CA14: variants seen among roughly 807,000 people sequenced by gnomAD.
The protein encoded by CA14 is carbonic anhydrase 14, also known as CA-XIV.
CA14 carries 44 observed loss-of-function variants against 48.8 expected under a neutral mutation model. The observed-to-expected ratio is 0.90, with a 90% confidence interval of 0.71 to 1.16. The LOEUF is 1.16. CA14 is among the 50% of genes most tolerant of loss of function. The probability of loss-of-function intolerance (pLI) is 0.00; values close to 1 mark genes in which losing one functional copy is unlikely to be tolerated. For synonymous variants in CA14, 154 were observed against 155.0 expected (o/e 0.99, Z 0.05); for missense variants, 386 against 401.0 (o/e 0.96, Z 0.32).
chr1:150,260,379 A>C, intron 2 of CA14: 1 of 675,592 alleles, frequency 1.5e-6, no homozygotes, highest in Non-Finnish European at 2.7e-6. Flanking sequence ...GATTTGGCAG[A>C]AAAGCTAGTT....
Position 150,264,600 on chromosome 1 carries a change from A to G in CA14, c.955A>G (p.Arg319Gly). ...AGCCATTCCCCTTTCCAGGAAGAAG[A>G]GGCTGGAAAACCGAAAGAGTGTGGT... ...YFIARKIRKK[R>G]LENRKSVVFT... The change falls in exon 11 of 11, where the codon AGG becomes GGG. Residue 319 changes from arginine (R) to glycine (G), a missense_variant. Coordinates refer to ENST00000369111, the MANE Select transcript of CA14 (RefSeq NM_012113.3). 1.2e-6 allele frequency: 2 copies of G among 1,603,844 alleles called. No homozygotes were observed. The highest frequency in any genetic ancestry group is 1.7e-6 in the Non-Finnish European group (2 of 1,170,854).
At position 150,259,963 on chromosome 1, in the gene CA14, T is replaced by C. The variant is rs587741253; in HGVS notation, c.56-188T>C. 3.9e-5 allele frequency among the ~76,000 whole-genome samples: 6 copies of C among 152,312 alleles called. No individual in the cohort carries two copies. The East Asian group carries it at 1.2e-3, about 29-fold the overall frequency. On this transcript the variant is annotated intron_variant, in intron 1 of 10. Coordinates refer to ENST00000369111, the MANE Select transcript of CA14 (RefSeq NM_012113.3). ...ACACAGCCTGGCTGGTGATTTTAAATAGGCCCCCCGACCTTTCCACAGAGG... is the reference window on the plus strand; with the variant it reads ...ACACAGCCTGGCTGGTGATTTTAAACAGGCCCCCCGACCTTTCCACAGAGG...
Position 150,264,607 on chromosome 1 carries a change from A to C in CA14, c.962A>C (p.Glu321Ala). The C allele has an allele frequency of 1.2e-6, 2 of 1,610,950 alleles. No individual in the cohort carries two copies. Among genetic ancestry groups the C allele is most frequent in the East Asian group, 4.5e-5 (2 of 44,858 alleles). ...CCCCTTTCCAGGAAGAAGAGGCTGG[A>C]AAACCGAAAGAGTGTGGTCTTCACC... ...IARKIRKKRL[E>A]NRKSVVFTSA... The change falls in exon 11 of 11, where the codon GAA becomes GCA. Residue 321 changes from glutamate to alanine, a missense_variant. Coordinates refer to ENST00000369111, the MANE Select transcript of CA14 (RefSeq NM_012113.3).
Position 150,264,861 on chromosome 1 carries a change from G to T in CA14, c.*202G>T. On this transcript the variant is annotated 3_prime_UTR_variant, in exon 11 of 11. Coordinates refer to ENST00000369111, the MANE Select transcript of CA14 (RefSeq NM_012113.3). ...CAGAGCCTTCAGCCTCTCCAAACAT[G>T]TAGGAGGAAATGAGGAAATCGCTGT... 4.4e-6 allele frequency: 2 copies of T among 455,032 alleles called. No homozygotes were observed. Among genetic ancestry groups the T allele is most frequent in the Non-Finnish European group, 7.9e-6 (2 of 253,396 alleles). 28.2% of individuals were successfully genotyped at this position (455,032 alleles called of 1,614,324 possible). A position where few individuals can be genotyped will look rare whatever the true frequency, so the allele number is the denominator to read the frequency against.
rs782753065 is a variant in CA14 at position 150,261,500 on chromosome 1, T to G, written c.118T>G (p.Cys40Gly). ...CCATTGGCCAGCCTCTTACCCTGAG[T>G]GTGGAAACAATGCCCAGTCGCCCAT... The part of the protein sequence containing the change: ...QDHWPASYPE[C>G]GNNAQSPIDI... The change falls in exon 3 of 11, where the codon TGT (cysteine) becomes GGT (glycine). Residue 40 changes from cysteine to glycine, a missense_variant. Coordinates refer to ENST00000369111, the MANE Select transcript of CA14 (RefSeq NM_012113.3). The G allele has an allele frequency of 6.2e-7, 1 of 1,614,064 alleles. No homozygotes were observed. The highest frequency in any genetic ancestry group is 2.2e-5 in the East Asian group (1 of 44,878).
Position 150,264,613 on chromosome 1 carries a change from G to C in CA14, c.968G>C (p.Arg323Pro), listed in dbSNP as rs781853765. 39 of 1,611,834 alleles carry C rather than the reference G, an allele frequency of 2.4e-5. No homozygotes were observed. The highest frequency in any genetic ancestry group is 3.1e-5 in the Non-Finnish European group (37 of 1,178,220). Residue 323 changes from arginine (R) to proline (P), a missense_variant, in exon 11 of 11, where the codon CGA becomes CCA. By Grantham distance (103) the Arg-to-Pro change is moderately radical. Coordinates refer to ENST00000369111, the MANE Select transcript of CA14 (RefSeq NM_012113.3). ...RKIRKKRLEN[R>P]KSVVFTSAQA... Reference sequence around the variant, plus strand: ...TCCAGGAAGAAGAGGCTGGAAAACCGAAAGAGTGTGGTCTTCACCTCAGCA... The same window carrying C: ...TCCAGGAAGAAGAGGCTGGAAAACCCAAAGAGTGTGGTCTTCACCTCAGCA...
At chr1:150,264,246 G>A (rs1368877211) in intron 10 of CA14, among the ~76,000 whole-genome samples, 2 of 149,096 alleles carry the variant, frequency 1.3e-5, no homozygotes, top group Non-Finnish European at 3.0e-5. Context: ...CACTGTTGTC[G>A]AGGCTGGAGT....
At position 150,261,532 on chromosome 1, in the gene CA14, TCAGA is replaced by T. The variant is rs782654435; in HGVS notation, c.158_161del (p.Asp53ValfsTer2). The stretch of plus-strand genomic sequence containing the variant: ...ACAATGCCCAGTCGCCCATCGATAT[TCAGA>T]CAGACAGTGTGACATTTGACCCTGA... On this transcript the variant is annotated frameshift_variant, in exon 3 of 11. Transcript: ENST00000369111. LOFTEE classifies it high-confidence loss of function. 1.1e-5 allele frequency: 18 copies of T among 1,614,154 alleles called. No homozygotes were observed. The highest frequency in any genetic ancestry group is 6.7e-5 in the East Asian group (3 of 44,884).
At position 150,257,932 on chromosome 1, in the gene CA14, TG is replaced by T. The variant is rs1187716712; in HGVS notation, c.-196del. Reference sequence around the variant, plus strand: ...TTTGTCCTGGGGATCCAGAAACCCATGATACCCTACTGAACACCGAATCCCC... The same window carrying T: ...TTTGTCCTGGGGATCCAGAAACCCATATACCCTACTGAACACCGAATCCCC... On this transcript the variant is annotated 5_prime_UTR_variant, in exon 1 of 11. It removes an upstream start codon present in the reference 5' UTR. Transcript: ENST00000369111. 19 of 410,798 alleles carry T rather than the reference TG, an allele frequency of 4.6e-5. No individual in the cohort carries two copies. The highest frequency in any genetic ancestry group is 3.5e-4 in the African/African-American group (17 of 48,838). 25.4% of individuals were successfully genotyped at this position (410,798 alleles called of 1,614,324 possible).
chr1:150,263,699 T>C lies in CA14; in HGVS notation c.862+20T>C, dbSNP rs782558135. ...CCACAGGTAAGCCAGCCTTATAAGA[T>C]AATGCGGGGAGGGGAGGTGTCCTCA... is the stretch of plus-strand genomic sequence containing the variant. On this transcript the variant is annotated intron_variant, in intron 9 of 10. Coordinates refer to ENST00000369111, the MANE Select transcript of CA14 (RefSeq NM_012113.3). 13 of 1,613,872 alleles carry C rather than the reference T, an allele frequency of 8.1e-6. No individual in the cohort carries two copies. The highest frequency in any genetic ancestry group is 2.7e-5 in the African/African-American group (2 of 74,886).
At chr1:150,258,323 G>T in intron 1 of CA14, 140 bp downstream of exon 1, 1 of 574,828 alleles carries the variant, frequency 1.7e-6, no homozygotes, top group South Asian at 2.7e-5. Context: ...AAAAGAGTGG[G>T]GTGTGGAGGA....
chr1:150,262,364 G>A, intron 4 of CA14, 64 bp downstream of exon 4: 2 of 1,554,484 alleles, frequency 1.3e-6, no homozygotes, highest in Non-Finnish European at 1.7e-6. Flanking sequence ...CTGGGGAAAG[G>A]ATCTGGACCT....
Position 150,263,696 on chromosome 1 carries a change from A to C in CA14, c.862+17A>C. 6.2e-7 allele frequency: 1 copy of C among 1,614,084 alleles called. No individual in the cohort carries two copies. The highest frequency in any genetic ancestry group is 8.5e-7 in the Non-Finnish European group (1 of 1,179,962). Reference sequence around the variant, plus strand: ...ATACCACAGGTAAGCCAGCCTTATAAGATAATGCGGGGAGGGGAGGTGTCC... The same window carrying C: ...ATACCACAGGTAAGCCAGCCTTATACGATAATGCGGGGAGGGGAGGTGTCC... On this transcript the variant is annotated intron_variant, in intron 9 of 10. Coordinates refer to ENST00000369111, the MANE Select transcript of CA14 (RefSeq NM_012113.3).
intron 3 of CA14, 69 bp from the exon 4 acceptor site, chr1:150,262,089 G>T: frequency 6.3e-7 from 1 of 1,593,426 alleles, no homozygotes; most frequent in Non-Finnish European, 8.6e-7. Flanking sequence ...CCCAAGAAGT[G>T]GTGGCAACCC....
In CA14 at chr1:150,263,388, T is replaced by C. The variant is rs183068071; in HGVS notation, c.810T>C (p.Asn270=). The change falls in exon 8 of 11, where the codon AAT becomes AAC. Residue 270 remains asparagine, a synonymous_variant. Transcript: ENST00000369111. ...VQNYRALQPL[N]QRMVFASFIQ... is the part of the protein sequence containing the mutation. ...ACTACCGAGCCCTTCAGCCTCTCAA[T>C]CAGCGCATGGTCTTTGCTTCTTTCA... The C allele has an allele frequency of 1.9e-5, 30 of 1,614,170 alleles. No individual in the cohort carries two copies. In the African/African-American group the frequency reaches 4.0e-4, roughly 22 times the overall value.
At position 150,263,086 on chromosome 1, in the gene CA14, C is replaced by T; in HGVS notation, c.607C>T (p.Pro203Ser). The change falls in exon 7 of 11, where the codon CCC (proline) becomes TCC (serine). Residue 203 changes from proline (P) to serine (S), a missense_variant. Physicochemically the swap from Pro to Ser is moderately conservative, Grantham distance 74 (BLOSUM62 -1). Coordinates refer to ENST00000369111, the MANE Select transcript of CA14 (RefSeq NM_012113.3). ...VPPFNLRELL[P>S]KQLGQYFRYN... Reference sequence around the variant, plus strand: ...TCCCTTCAACCTAAGAGAGCTGCTCCCCAAACAGCTGGGGCAGTACTTCCG... The same window carrying T: ...TCCCTTCAACCTAAGAGAGCTGCTCTCCAAACAGCTGGGGCAGTACTTCCG... The T allele has an allele frequency of 6.2e-7, 1 of 1,614,010 alleles. No individual in the cohort carries two copies. The highest frequency in any genetic ancestry group is 1.1e-5 in the South Asian group (1 of 91,072).
intron 8 of CA14, 114 bp downstream of exon 8, chr1:150,263,533 G>A: frequency 1.2e-6 from 2 of 1,609,064 alleles, no homozygotes; most frequent in Non-Finnish European, 1.7e-6. Context: ...GGACTTGCTT[G>A]GACTGGGAAC....
In CA14 at chr1:150,264,837, A is replaced by C. The variant is rs1286175505; in HGVS notation, c.*178A>C. The C allele has an allele frequency of 7.9e-6, 4 of 507,370 alleles. No homozygotes were observed. The highest frequency in any genetic ancestry group is 7.7e-5 in the African/African-American group (4 of 51,758). 31.4% of individuals were successfully genotyped at this position (507,370 alleles called of 1,614,324 possible). ...AGGCTGTCATTCCAGGAAGAACTGC[A>C]GAGCCTTCAGCCTCTCCAAACATGT... On this transcript the variant is annotated 3_prime_UTR_variant, in exon 11 of 11. Coordinates refer to ENST00000369111, the MANE Select transcript of CA14 (RefSeq NM_012113.3).
rs148364252 is a variant in CA14 at position 150,258,168 on chromosome 1, C to A, written c.40C>A (p.Leu14Met). The change falls in exon 1 of 11, where the codon CTG (leucine) becomes ATG (methionine). Residue 14 changes from leucine (L) to methionine (M), a missense_variant. Transcript: ENST00000369111. The part of the protein sequence containing the change: ...SALLLEVIWI[L>M]AADGGQHWTY... ...CCTCCTGCTGGAGGTGATTTGGATC[C>A]TGGCTGCAGATGGGGGTAGGTACAA... is the stretch of plus-strand genomic sequence containing the variant. 5 of 1,611,400 alleles carry A rather than the reference C, an allele frequency of 3.1e-6. No homozygotes were observed. The African/African-American group carries it at 5.3e-5, about 17-fold the overall frequency.
Sources: allele counts gnomAD v4.1 joint callset (sites outside exome capture counted in the v4.1 genomes callset), GRCh38; gene constraint gnomAD v4.1.1; transcripts MANE v1.5; gene names NCBI Gene and HGNC (gene_info 2026-07-23, HGNC 2026-07-21).